Variants in VAV3 observed in about 807,000 individuals in gnomAD.
VAV3 encodes the protein vav guanine nucleotide exchange factor 3.
In VAV3, 94 loss-of-function variants were observed where a neutral mutation model predicts 131.2. The observed-to-expected ratio is 0.72, with a 90% CI of 0.61 to 0.85. The LOEUF is 0.85. Among genes scored for constraint, VAV3 ranks in the 40% least tolerant of loss-of-function variants. The pLI, the probability that VAV3 is intolerant of heterozygous loss-of-function variation, is 0.00. For synonymous variants in VAV3, 349 were observed against 342.0 expected (o/e 1.02, Z -0.22); for missense variants, 939 against 1,002.7 (o/e 0.94, Z 0.86).
intron 1 of VAV3, among the ~76,000 whole-genome samples, chr1:107,893,055 CACA>C (rs1671385921): frequency 5.6e-5 from 1 of 17,866 alleles, no homozygotes; most frequent in African/African-American, 1.1e-4. Context: ...TAAAAATATA[CACA>C]GAGTAAAAAA....
chr1:107,722,290 G>A (rs1661547005), intron 15 of VAV3, among the ~76,000 whole-genome samples: 1 of 152,146 alleles, frequency 6.6e-6, no homozygotes, highest in African/African-American at 2.4e-5. Flanking sequence ...AAAATATTCT[G>A]CAGAGCACAC....
chr1:107,731,736 A>G (rs540921285), intron 15 of VAV3, among the ~76,000 whole-genome samples: 44 of 152,354 alleles, frequency 2.9e-4, no homozygotes, highest in African/African-American at 1.0e-3. Context: ...AGCACAGCAT[A>G]TACTTGGAAA....
rs1663887291 is a variant in VAV3 at position 107,753,513 on chromosome 1, C to CATATATACATATACATAT, written c.1173+1913_1173+1914insATATGTATATGTATATAT. 5.4e-3 allele frequency among the ~76,000 whole-genome samples: 435 copies of CATATATACATATACATAT among 80,544 alleles called. 6 individuals are homozygous for CATATATACATATACATAT. The highest frequency in any genetic ancestry group is 0.019 in the African/African-American group (414 of 21,654). The allele number at this position is 80,544 out of a possible 152,430, so 52.8% of individuals were successfully genotyped here. A position where few individuals can be genotyped will look rare whatever the true frequency, so the allele number is the denominator to read the frequency against. On this transcript the variant is annotated intron_variant, in intron 12 of 26. Transcript: ENST00000370056. The stretch of plus-strand genomic sequence containing the variant: ...ATATATACACACATATATATACACA[C>CATATATACATATACATAT]ATATATATATATACGTATATATATA...
chr1:107,833,559 T>C (rs1158907521), intron 2 of VAV3, among the ~76,000 whole-genome samples: 2 of 152,244 alleles, frequency 1.3e-5, no homozygotes, highest in African/African-American at 4.8e-5. Flanking sequence ...TTAGAAATTT[T>C]TTTTTCTAAT....
chr1:107,620,500 C>T (rs1276560813), intron 20 of VAV3, among the ~76,000 whole-genome samples: 2 of 151,916 alleles, frequency 1.3e-5, no homozygotes, highest in Non-Finnish European at 2.9e-5. Context: ...GTGTAGTAGG[C>T]TACACTATCT....
At chr1:107,929,327 A>G (rs573423148) in intron 1 of VAV3, among the ~76,000 whole-genome samples, 1 of 151,678 alleles carries the variant, frequency 6.6e-6, no homozygotes, top group South Asian at 2.1e-4. Flanking sequence ...AGAACAGTAT[A>G]TTCAGTGAAA....
rs57288177 is a variant in VAV3, at chr1:107,798,718, CAAAAAAAA to C, written c.322-19234_322-19227del. ...TGGGCAACATAGCAAGACTCCCTCT[CAAAAAAAA>C]AAAAAAAAAAAAAAAAAAGAAGAAC... is the stretch of plus-strand genomic sequence containing the variant. On this transcript the variant is annotated intron_variant, in intron 2 of 26. Transcript: ENST00000370056. 1.2e-3 allele frequency among the ~76,000 whole-genome samples: 61 copies of C among 49,534 alleles called. No homozygotes were observed. In the East Asian group the frequency reaches 0.064, roughly 52 times the overall value. 32.5% of individuals were successfully genotyped at this position (49,534 alleles called of 152,430 possible).
intron 19 of VAV3, chr1:107,673,748 C>T (rs1657986761): frequency 6.6e-6 from 1 of 152,052 alleles, no homozygotes; most frequent in Non-Finnish European, 1.5e-5. Context: ...AAGGAGAATA[C>T]CAAACTGGAA....
chr1:107,720,920 A>G (rs755995849), intron 15 of VAV3, among the ~76,000 whole-genome samples: 2 of 152,190 alleles, frequency 1.3e-5, no homozygotes, highest in Non-Finnish European at 2.9e-5. Context: ...GTCAGAGAAG[A>G]TAAGGTATGA....
chr1:107,920,010 G>A (rs1031770836), intron 1 of VAV3, among the ~76,000 whole-genome samples: 4 of 152,032 alleles, frequency 2.6e-5, no homozygotes, highest in African/African-American at 4.8e-5. Context: ...GAAAAAAATC[G>A]GTGGTAATCT....
rs1387126929 is a variant in VAV3, at chr1:107,631,672, C to T, written c.1914+10947G>A. Among the ~76,000 whole-genome samples, 5 of 138,114 alleles carry T rather than the reference C, an allele frequency of 3.6e-5. No individual in the cohort carries two copies. The South Asian group carries it at 7.3e-4, about 20-fold the overall frequency. The allele number at this position is 138,114 out of a possible 152,430, so 90.6% of individuals were successfully genotyped here. A position where few individuals can be genotyped will look rare whatever the true frequency, so the allele number is the denominator to read the frequency against. ...GCCCCAGAGTGTGATGTTCCCCTTCCTGTGTCCATGTGTTCTCATTGTTCA... is the reference window on the plus strand; with the variant it reads ...GCCCCAGAGTGTGATGTTCCCCTTCTTGTGTCCATGTGTTCTCATTGTTCA... On this transcript the variant is annotated intron_variant, in intron 20 of 26. Transcript: ENST00000370056.
At chr1:107,752,349 T>C (rs1663788760) in intron 12 of VAV3, among the ~76,000 whole-genome samples, 1 of 152,166 alleles carries the variant, frequency 6.6e-6, no homozygotes, top group African/African-American at 2.4e-5. Context: ...ACTAAAAATG[T>C]TTCAAATACC....
chr1:107,884,405 T>TTTTTTA (rs1670929717), intron 1 of VAV3, among the ~76,000 whole-genome samples: 1 of 141,702 alleles, frequency 7.1e-6, no homozygotes, highest in African/African-American at 2.6e-5. Context: ...AAATAAATTA[T>TTTTTTA]TTATTATTAT....
intron 1 of VAV3, among the ~76,000 whole-genome samples, chr1:107,943,728 G>T (rs544792771): frequency 9.2e-5 from 14 of 152,322 alleles, no homozygotes; most frequent in African/African-American, 3.4e-4. Flanking sequence ...GCAACAGAGC[G>T]AGACTCCGTC....
chr1:107,832,132 A>G (rs1668279483), intron 2 of VAV3, among the ~76,000 whole-genome samples: 1 of 152,240 alleles, frequency 6.6e-6, no homozygotes, highest in Middle Eastern at 3.2e-3. Context: ...AAGGGATGGC[A>G]AGGACTTGGC....
intron 2 of VAV3, among the ~76,000 whole-genome samples, chr1:107,792,965 T>C (rs1463995364): frequency 6.6e-6 from 1 of 152,132 alleles, no homozygotes; most frequent in Non-Finnish European, 1.5e-5. Flanking sequence ...TTAAAAGTTA[T>C]CTGTTTATCA....
intron 1 of VAV3, among the ~76,000 whole-genome samples, chr1:107,896,751 G>A (rs889863280): frequency 2.6e-5 from 4 of 152,058 alleles, no homozygotes; most frequent in Non-Finnish European, 5.9e-5. Flanking sequence ...TAAAAAAATG[G>A]CTACAGGAAT....
In VAV3 at chr1:107,900,021, A is replaced by G. The variant is rs368476916; in HGVS notation, c.205-25004T>C. Among the ~76,000 whole-genome samples the G allele has an allele frequency of 3.9e-5, 6 of 152,310 alleles. No individual in the cohort carries two copies. In the East Asian group the frequency reaches 7.7e-4, roughly 20 times the overall value. ...CATACACTTTCAGCATACTTAATATATATCAGCAGGCATTTGTAGCTCACT... is the reference window on the plus strand; with the variant it reads ...CATACACTTTCAGCATACTTAATATGTATCAGCAGGCATTTGTAGCTCACT... On this transcript the variant is annotated intron_variant, in intron 1 of 26. Transcript: ENST00000370056.
chr1:107,745,586 G>A (rs1663292791), intron 15 of VAV3, among the ~76,000 whole-genome samples: 1 of 152,124 alleles, frequency 6.6e-6, no homozygotes, highest in Admixed American at 6.6e-5. Flanking sequence ...TCACCTCTGG[G>A]GAGAATATTT....
Sources: gnomAD v4.1 joint callset for allele counts (sites outside exome capture counted in the v4.1 genomes callset) on GRCh38, gnomAD v4.1.1 for gene constraint, MANE v1.5 for transcripts, NCBI Gene and HGNC (gene_info 2026-07-23, HGNC 2026-07-21) for gene names.